Variants in STARD3 observed in about 807,000 individuals in gnomAD.
STARD3 encodes the protein stAR-related lipid transfer protein 3.
In STARD3, 39 loss-of-function variants were observed where a neutral mutation model predicts 62.0. The observed-to-expected ratio is 0.63, with a 90% CI of 0.49 to 0.82. The LOEUF (loss-of-function observed/expected upper bound fraction) is 0.82, where lower values mean the gene tolerates loss of function less well. STARD3 is among the 40% of genes least tolerant of loss of function. The pLI, the probability that STARD3 is intolerant of heterozygous loss-of-function variation, is 0.00. For synonymous variants in STARD3, 229 were observed against 242.4 expected (o/e 0.94, Z 0.51); for missense variants, 543 against 584.5 (o/e 0.93, Z 0.73).
At position 39,658,780 on chromosome 17, in the gene STARD3, G is replaced by C. The variant is rs1468875862; in HGVS notation, c.606G>C (p.Leu202=). ...GACCCCTGCTGTTCTCCGGTGCTCT[G>C]TCCGAGGGACAGTTCTATTCACCCC... ...ARGPLLFSGA[L]SEGQFYSPPE... is the part of the protein sequence containing the mutation. Residue 202 remains leucine, a synonymous_variant, in exon 7 of 15, where the codon CTG becomes CTC. Transcript: ENST00000336308. 7 of 1,613,884 alleles carry C rather than the reference G, an allele frequency of 4.3e-6. No homozygotes were observed. The Admixed American group carries it at 1.2e-4, about 27-fold the overall frequency.
chr17:39,637,638 CT>C (rs2056944421), intron 1 of STARD3: 1 of 152,266 alleles, frequency 6.6e-6, no homozygotes, highest in African/African-American at 2.4e-5. Context: ...GTCTCCCCAA[CT>C]TCCTTTCGAA....
chr17:39,652,319 A>G (rs1016263983), intron 1 of STARD3, among the ~76,000 whole-genome samples: 2 of 152,250 alleles, frequency 1.3e-5, no homozygotes, highest in South Asian at 2.1e-4. Flanking sequence ...CACCTATTGC[A>G]TGCCAGGCAT....
At chr17:39,661,480 C>G (rs1204566234) in intron 13 of STARD3, among the ~76,000 whole-genome samples, 1 of 152,158 alleles carries the variant, frequency 6.6e-6, no homozygotes, top group Admixed American at 6.5e-5. Flanking sequence ...TTTCGTCCTC[C>G]TCACCCTGTC....
rs779185560 is a variant in STARD3, at chr17:39,660,958, T to C, written c.1035-23T>C. On this transcript the variant is annotated intron_variant, in intron 12 of 14. Coordinates refer to ENST00000336308, the MANE Select transcript of STARD3 (RefSeq NM_006804.4). The surrounding 1 kb of genome is among the most constrained non-coding windows in gnomAD (Gnocchi z 4.8). Reference sequence around the variant, plus strand: ...ACTTTGGCCTTGGGTCATTGTCCCCTGAACTAACCCTCCCTCCCGCAGGGA... The same window carrying C: ...ACTTTGGCCTTGGGTCATTGTCCCCCGAACTAACCCTCCCTCCCGCAGGGA... 1 of 1,613,064 alleles carries C rather than the reference T, an allele frequency of 6.2e-7. No homozygotes were observed. Among genetic ancestry groups the C allele is most frequent in the Non-Finnish European group, 8.5e-7 (1 of 1,179,478 alleles).
chr17:39,661,235 C>T (rs2145046467), intron 13 of STARD3, 150 bp downstream of exon 13: 1 of 656,598 alleles, frequency 1.5e-6, no homozygotes. Context: ...CTCCTGGCTA[C>T]TAATCCTGCT....
In STARD3 at chr17:39,660,605, G is replaced by A. The variant is rs1340207447; in HGVS notation, c.954+79G>A. The stretch of plus-strand genomic sequence containing the variant: ...CAGTGGGATCACTGAAGCACTCAGC[G>A]CCTCAGCTGCCCCATCTGTACAGTG... On this transcript the variant is annotated intron_variant, in intron 11 of 14. Coordinates refer to ENST00000336308, the MANE Select transcript of STARD3 (RefSeq NM_006804.4). The surrounding 1 kb of genome is among the most constrained non-coding windows in gnomAD (Gnocchi z 4.8). The A allele has an allele frequency of 8.0e-6, 12 of 1,494,028 alleles. No homozygotes were observed. The highest frequency in any genetic ancestry group is 4.5e-5 in the East Asian group (2 of 44,182). 92.5% of individuals were successfully genotyped at this position (1,494,028 alleles called of 1,614,324 possible). A position where few individuals can be genotyped will look rare whatever the true frequency, so the allele number is the denominator to read the frequency against.
intron 3 of STARD3, 78 bp from the exon 4 acceptor site, chr17:39,657,697 G>C: frequency 6.5e-7 from 1 of 1,528,268 alleles, no homozygotes; most frequent in Non-Finnish European, 9.1e-7. Flanking sequence ...GTGGGGGCAG[G>C]ACCAGAGGGG....
intron 1 of STARD3, among the ~76,000 whole-genome samples, chr17:39,638,457 G>A (rs538897638): frequency 6.6e-6 from 1 of 152,132 alleles, no homozygotes; most frequent in South Asian, 2.1e-4. Context: ...TGCAGCATGC[G>A]CCATGCCTAC....
intron 1 of STARD3, among the ~76,000 whole-genome samples, chr17:39,647,330 C>G (rs985932730): frequency 6.6e-6 from 1 of 152,188 alleles, no homozygotes; most frequent in African/African-American, 2.4e-5. Context: ...TCTTTCACAC[C>G]ACACGTGCTG....
intron 9 of STARD3, 78 bp downstream of exon 9, chr17:39,659,631 AC>A: frequency 6.7e-7 from 1 of 1,486,116 alleles, no homozygotes; most frequent in Admixed American, 1.8e-5. Flanking sequence ...TGAGGAAGAA[AC>A]CCAAAGATTA....
In STARD3 at chr17:39,663,631, T is replaced by TC. The variant is rs2057226796; in HGVS notation, c.*723_*724insC. The TC allele has an allele frequency of 4.2e-5, 4 of 95,500 alleles. No individual in the cohort carries two copies. The highest frequency in any genetic ancestry group is 1.7e-4 in the African/African-American group (4 of 22,942). 5.9% of individuals were successfully genotyped at this position (95,500 alleles called of 1,614,324 possible). A position where few individuals can be genotyped will look rare whatever the true frequency, so the allele number is the denominator to read the frequency against. On this transcript the variant is annotated 3_prime_UTR_variant, in exon 15 of 15. Coordinates refer to ENST00000336308, the MANE Select transcript of STARD3 (RefSeq NM_006804.4). ...GCCAGTTCCTGAAACATGCCCCCCA[T>TC]TCCCCCCCCGCCCACCCCCCACTCC... is the stretch of plus-strand genomic sequence containing the variant.
At chr17:39,640,624 T>C (rs2056975047) in intron 1 of STARD3, among the ~76,000 whole-genome samples, 1 of 151,128 alleles carries the variant, frequency 6.6e-6, no homozygotes, top group African/African-American at 2.4e-5. Context: ...TTGACCTCAC[T>C]GGTTTACATA....
At chr17:39,646,973 G>A (rs1205703747) in intron 1 of STARD3, among the ~76,000 whole-genome samples, 2 of 152,082 alleles carry the variant, frequency 1.3e-5, no homozygotes, top group Non-Finnish European at 2.9e-5. Context: ...AGGCCGAGGT[G>A]GGCGGATCAC....
At position 39,661,195 on chromosome 17, in the gene STARD3, TC is replaced by T. The variant is rs2057194184; in HGVS notation, c.1139+112del. ...GGCACTTCCCCTGCTGAGGCTGCGT[TC>T]CTGTTCCCTGTCCCGCTGGGCTCTG... On this transcript the variant is annotated intron_variant, in intron 13 of 14. Transcript: ENST00000336308. 7 of 933,766 alleles carry T rather than the reference TC, an allele frequency of 7.5e-6. No individual in the cohort carries two copies. The South Asian group carries it at 9.1e-5, about 12-fold the overall frequency. The allele number at this position is 933,766 out of a possible 1,614,324, so 57.8% of individuals were successfully genotyped here. A position where few individuals can be genotyped will look rare whatever the true frequency, so the allele number is the denominator to read the frequency against.
intron 1 of STARD3, chr17:39,653,197 T>G (rs2057093551): frequency 5.1e-6 from 2 of 391,100 alleles, no homozygotes; most frequent in Middle Eastern, 7.4e-4. Flanking sequence ...CAGGAGGGGG[T>G]AGGTGCCCAT....
At chr17:39,662,539 C>G (rs534509871) in intron 14 of STARD3, 195 bp downstream of exon 14, 4 of 644,728 alleles carry the variant, frequency 6.2e-6, no homozygotes, top group African/African-American at 1.8e-5. Context: ...CATGTGCCCC[C>G]CCTTCTTACC....
chr17:39,649,342 A>G (rs2057055480), intron 1 of STARD3, among the ~76,000 whole-genome samples: 1 of 152,212 alleles, frequency 6.6e-6, no homozygotes, highest in South Asian at 2.1e-4. Flanking sequence ...TATGCGCTCA[A>G]GGTTATTCAC....
At position 39,660,614 on chromosome 17, in the gene STARD3, G is replaced by A; in HGVS notation, c.954+88G>A. On this transcript the variant is annotated intron_variant, in intron 11 of 14. Coordinates refer to ENST00000336308, the MANE Select transcript of STARD3 (RefSeq NM_006804.4). The surrounding 1 kb of genome is among the most constrained non-coding windows in gnomAD (Gnocchi z 4.8). ...CACTGAAGCACTCAGCGCCTCAGCT[G>A]CCCCATCTGTACAGTGGGTGTGATG... is the stretch of plus-strand genomic sequence containing the variant. 1.4e-6 allele frequency: 2 copies of A among 1,472,984 alleles called. No homozygotes were observed. Among genetic ancestry groups the A allele is most frequent in the Non-Finnish European group, 1.9e-6 (2 of 1,057,398 alleles). The allele number at this position is 1,472,984 out of a possible 1,614,324, so 91.2% of individuals were successfully genotyped here. A position where few individuals can be genotyped will look rare whatever the true frequency, so the allele number is the denominator to read the frequency against.
At position 39,663,049 on chromosome 17, in the gene STARD3, G is replaced by C; in HGVS notation, c.*141G>C. On this transcript the variant is annotated 3_prime_UTR_variant, in exon 15 of 15. Coordinates refer to ENST00000336308, the MANE Select transcript of STARD3 (RefSeq NM_006804.4). ...TCCACCGAGCCACGCAGTGCCTGGA[G>C]TTGACTGACTGAGCAGGCTGTGGGG... 1.2e-6 allele frequency: 1 copy of C among 828,728 alleles called. No homozygotes were observed. Among genetic ancestry groups the C allele is most frequent in the Non-Finnish European group, 1.8e-6 (1 of 555,970 alleles). 51.3% of individuals were successfully genotyped at this position (828,728 alleles called of 1,614,324 possible).
Sources: gnomAD v4.1 joint callset for allele counts (sites outside exome capture counted in the v4.1 genomes callset) on GRCh38, gnomAD v4.1.1 for gene constraint, Gnocchi (gnomAD v3.1) non-coding constraint, MANE v1.5 for transcripts, NCBI Gene and HGNC (gene_info 2026-07-23, HGNC 2026-07-21) for gene names.